Variants in JMJD1C observed in about 807,000 individuals in gnomAD.
JMJD1C encodes the protein jumonji domain containing 1C.
A neutral mutation model predicts 245.3 loss-of-function variants in JMJD1C; 31 were observed. The observed-to-expected ratio is 0.13, with a 90% CI of 0.09 to 0.17. The LOEUF is 0.17. JMJD1C is among the 10% of genes least tolerant of loss of function. The pLI, the probability that JMJD1C is intolerant of heterozygous loss-of-function variation, is 1.00. For missense variants in JMJD1C, 2,691 were observed against 3,000.2 expected (o/e 0.90, Z 2.41); for synonymous variants, 1,057 against 1,017.4 (o/e 1.04, Z -0.74).
At chr10:63,386,349 C>G (rs2393968) in intron 1 of JMJD1C, among the ~76,000 whole-genome samples, 9,123 of 152,244 alleles carry the variant, frequency 0.06, 798 homozygotes, top group African/African-American at 0.19. Context: ...AGAAAGCAAC[C>G]CACCTTCCCC....
rs1439585566 is a variant in JMJD1C, at chr10:63,184,552, A to C, written c.6961+56T>G. On this transcript the variant is annotated intron_variant, in intron 21 of 25. Coordinates refer to ENST00000399262, the MANE Select transcript of JMJD1C (RefSeq NM_032776.3). Reference sequence around the variant, plus strand: ...AGCCACTATGCCCGGCCTGAGCAAAAATTTTAAAAAATCCAATATAATTCC... The same window carrying C: ...AGCCACTATGCCCGGCCTGAGCAAACATTTTAAAAAATCCAATATAATTCC... 2.6e-6 allele frequency: 4 copies of C among 1,525,158 alleles called. No homozygotes were observed. In the African/African-American group the frequency reaches 5.6e-5, roughly 22 times the overall value. 94.5% of individuals were successfully genotyped at this position (1,525,158 alleles called of 1,614,324 possible).
At chr10:63,340,431 T>C (rs1250916554) in intron 2 of JMJD1C, among the ~76,000 whole-genome samples, 1 of 152,208 alleles carries the variant, frequency 6.6e-6, no homozygotes, top group Non-Finnish European at 1.5e-5. Context: ...TTTGTTTTTT[T>C]ACTTATTCTC....
intron 3 of JMJD1C, among the ~76,000 whole-genome samples, chr10:63,263,391 C>A (rs1237960843): frequency 6.6e-6 from 1 of 152,136 alleles, no homozygotes; most frequent in Admixed American, 6.6e-5. Context: ...ATTACAAATC[C>A]ATGCACAACA....
At chr10:63,423,980 T>C (rs903061516) in intron 1 of JMJD1C, among the ~76,000 whole-genome samples, 2 of 152,228 alleles carry the variant, frequency 1.3e-5, no homozygotes, top group Non-Finnish European at 2.9e-5. Flanking sequence ...CATTTTAAAA[T>C]TGGGTTGTTT....
At chr10:63,168,274 G>A in intron 25 of JMJD1C, 140 bp from the exon 26 acceptor site, 4 of 982,596 alleles carry the variant, frequency 4.1e-6, no homozygotes, top group South Asian at 3.2e-5. Flanking sequence ...TAAGCCAAAA[G>A]GGACACTATA....
intron 6 of JMJD1C, 48 bp downstream of exon 6, chr10:63,215,505 C>T (rs1194608059): frequency 6.2e-7 from 1 of 1,608,888 alleles, no homozygotes; most frequent in African/African-American, 1.3e-5. Context: ...TTTCTACTAG[C>T]CTAAGGAAAA....
intron 2 of JMJD1C, among the ~76,000 whole-genome samples, chr10:63,274,705 C>G (rs2133849214): frequency 6.6e-6 from 1 of 152,220 alleles, no homozygotes; most frequent in South Asian, 2.1e-4. Context: ...GACCTTAAGA[C>G]TTTTTTAACT....
At chr10:63,327,225 G>A (rs1025379617) in intron 2 of JMJD1C, among the ~76,000 whole-genome samples, 6 of 152,094 alleles carry the variant, frequency 3.9e-5, no homozygotes, top group Non-Finnish European at 8.8e-5. Flanking sequence ...CCTACAATCT[G>A]AAAAGGGGCA....
In JMJD1C at chr10:63,463,108, T is replaced by TA. The variant is rs887211056; in HGVS notation, c.168+2386dup. Among the ~76,000 whole-genome samples, 129 of 150,214 alleles carry TA rather than the reference T, an allele frequency of 8.6e-4. No individual in the cohort carries two copies. The South Asian group carries it at 0.012, about 14-fold the overall frequency. ...TTTTAATTATACATATTTGTAGCTT[T>TA]AAAAAAAAAATCACAAACTAGCCTA... On this transcript the variant is annotated intron_variant, in intron 1 of 25. Coordinates refer to ENST00000399262, the MANE Select transcript of JMJD1C (RefSeq NM_032776.3).
Position 63,281,322 on chromosome 10 carries a change from GTTTGTTT to G in JMJD1C, c.334-16565_334-16559del, listed in dbSNP as rs1447079975. 1.8e-4 allele frequency among the ~76,000 whole-genome samples: 24 copies of G among 131,968 alleles called. 1 individual carries two copies. The East Asian group carries it at 4.6e-3, about 25-fold the overall frequency. 86.6% of individuals were successfully genotyped at this position (131,968 alleles called of 152,430 possible). On this transcript the variant is annotated intron_variant, in intron 2 of 25. Transcript: ENST00000399262. ...GCTAATTTTTCTGTTTTTTTTTTTT[GTTTGTTT>G]TTTGTTTTTTTAGTAGAGATGGGGT...
intron 1 of JMJD1C, among the ~76,000 whole-genome samples, chr10:63,412,729 T>C (rs1317391239): frequency 3.3e-5 from 5 of 152,226 alleles, no homozygotes; most frequent in Admixed American, 2.6e-4. Context: ...GTGTATATTT[T>C]ATGGTAGCAA....
chr10:63,196,562 G>A (rs1196621793), intron 13 of JMJD1C, among the ~76,000 whole-genome samples: 1 of 152,098 alleles, frequency 6.6e-6, no homozygotes, highest in Non-Finnish European at 1.5e-5. Flanking sequence ...AGATACTGAT[G>A]GTTAAATCAT....
chr10:63,326,480 T>C (rs1941534769), intron 2 of JMJD1C, among the ~76,000 whole-genome samples: 1 of 152,128 alleles, frequency 6.6e-6, no homozygotes, highest in Admixed American at 6.5e-5. Flanking sequence ...TCAGTAATGT[T>C]ATAAGATACT....
intron 1 of JMJD1C, among the ~76,000 whole-genome samples, chr10:63,435,739 A>G (rs978238888): frequency 6.6e-6 from 1 of 152,150 alleles, no homozygotes; most frequent in Non-Finnish European, 1.5e-5. Context: ...ATCTCTATTA[A>G]AAGTACAAAA....
At position 63,243,124 on chromosome 10, in the gene JMJD1C, T is replaced by TATATATATATATATATATATAA. The variant is rs1491362612; in HGVS notation, c.447+21526_447+21527insTTATATATATATATATATATAT. The stretch of plus-strand genomic sequence containing the variant: ...TAAATTATATATATATATATATATA[T>TATATATATATATATATATATAA]AAATATATATATGGCTAGATAGGTA... On this transcript the variant is annotated intron_variant, in intron 3 of 25. Transcript: ENST00000399262. 3.4e-4 allele frequency among the ~76,000 whole-genome samples: 29 copies of TATATATATATATATATATATAA among 85,792 alleles called. 1 individual carries two copies. Among genetic ancestry groups the TATATATATATATATATATATAA allele is most frequent in the South Asian group, 1.9e-3 (5 of 2,642 alleles). The allele number at this position is 85,792 out of a possible 152,430, so 56.3% of individuals were successfully genotyped here.
intron 1 of JMJD1C, among the ~76,000 whole-genome samples, chr10:63,454,907 T>C (rs1952313935): frequency 2.6e-5 from 4 of 152,234 alleles, no homozygotes; most frequent in African/African-American, 9.6e-5. Context: ...CTTCATTATA[T>C]TCAGGTTCAG....
At chr10:63,230,605 C>A (rs1849841468) in intron 3 of JMJD1C, among the ~76,000 whole-genome samples, 1 of 151,720 alleles carries the variant, frequency 6.6e-6, no homozygotes, top group African/African-American at 2.4e-5. Flanking sequence ...TAAACCCTGG[C>A]TCTATTAAAA....
At chr10:63,216,757 A>T (rs1342982392) in intron 5 of JMJD1C, among the ~76,000 whole-genome samples, 1 of 152,178 alleles carries the variant, frequency 6.6e-6, no homozygotes, top group East Asian at 1.9e-4. Context: ...GGAAACTTGT[A>T]ATCCTTAAGA....
intron 10 of JMJD1C, chr10:63,202,282 G>A: frequency 4.1e-6 from 4 of 983,704 alleles, no homozygotes; most frequent in Non-Finnish European, 3.6e-6. Flanking sequence ...AGCAAGCTAT[G>A]TTAGGATCAG....
Sources: allele counts gnomAD v4.1 joint callset (sites outside exome capture counted in the v4.1 genomes callset), GRCh38; gene constraint gnomAD v4.1.1; transcripts MANE v1.5; gene names NCBI Gene and HGNC (gene_info 2026-07-23, HGNC 2026-07-21).